The following ANKAR variants were observed in gnomAD, a reference collection of about 807,000 sequenced individuals.
ANKAR encodes ankyrin and armadillo repeat containing, also known as ankyrin and armadillo repeat-containing protein.
In ANKAR, 136 loss-of-function variants were observed where a neutral mutation model predicts 146.2. The observed-to-expected ratio is 0.93, with a 90% confidence interval of 0.81 to 1.07. ANKAR has a LOEUF of 1.07. ANKAR is among the 50% of genes least tolerant of loss of function. ANKAR has a pLI of 0.00. For synonymous variants in ANKAR, 500 were observed against 575.8 expected, an observed-to-expected ratio of 0.87 and a Z score of 1.88; for missense variants, 1,567 against 1,679.9, an observed-to-expected ratio of 0.93 and a Z score of 1.18.
rs190854393 is a variant in ANKAR at position 189,720,787 on chromosome 2, G to A, written c.2635G>A (p.Asp879Asn). 1.4e-6 allele frequency: 2 copies of A among 1,472,390 alleles called. No homozygotes were observed. Among genetic ancestry groups the A allele is most frequent in the Non-Finnish European group, 1.8e-6 (2 of 1,115,592 alleles). 91.2% of individuals were successfully genotyped at this position (1,472,390 alleles called of 1,614,324 possible). A position where few individuals can be genotyped will look rare whatever the true frequency, so the allele number is the denominator to read the frequency against. ...TATCAGATTTCTGAGTTCTGATTCA[G>A]GTGAGCTTCTATCTCTGTATTATTT... ...YLIRFLSSDS[D>N]VLKAVSSAAI... Residue 879 changes from aspartate (D) to asparagine (N), a missense_variant and splice_region_variant, in exon 12 of 23, where the codon GAT becomes AAT. Transcript: ENST00000684021.
At chr2:189,677,122 T>A (rs1351558151) in intron 2 of ANKAR, 31 bp downstream of exon 2, 2 of 1,443,216 alleles carry the variant, frequency 1.4e-6, no homozygotes, top group South Asian at 1.5e-5. Flanking sequence ...TTAAATTTTT[T>A]TTTTTTTTTT....
At chr2:189,748,745 T>C (rs1479197114), downstream of ANKAR, among the ~76,000 whole-genome samples, 1 of 152,164 alleles carries the variant, frequency 6.6e-6, no homozygotes, top group African/African-American at 2.4e-5. Context: ...TAAGTTTCTG[T>C]AGATATTTTT....
At chr2:189,746,146 A>G (rs2044128311) in intron 22 of ANKAR, among the ~76,000 whole-genome samples, 3 of 152,332 alleles carry the variant, frequency 2.0e-5, no homozygotes, top group Admixed American at 2.0e-4. Flanking sequence ...TTACATAATG[A>G]TATTTAAAGT....
intron 19 of ANKAR, among the ~76,000 whole-genome samples, chr2:189,740,689 G>A (rs2043242718): frequency 1.0e-5 from 1 of 99,280 alleles, no homozygotes; most frequent in South Asian, 4.0e-4. Flanking sequence ...CCGCAAAAAG[G>A]ACATATTAAT....
chr2:189,737,653 C>A, intron 17 of ANKAR, 30 bp from the exon 18 acceptor site: 1 of 1,560,378 alleles, frequency 6.4e-7, no homozygotes. Flanking sequence ...AAATGAAGTT[C>A]ACCATAATGC....
chr2:189,695,446 A>C, intron 6 of ANKAR, among the ~76,000 whole-genome samples: 1 of 152,358 alleles, frequency 6.6e-6, no homozygotes, highest in East Asian at 1.9e-4. Flanking sequence ...AACTCTTTTA[A>C]GGTACGACTA....
chr2:189,750,122 C>G (rs1046068185), downstream of ANKAR, among the ~76,000 whole-genome samples: 2 of 151,960 alleles, frequency 1.3e-5, no homozygotes, highest in African/African-American at 4.8e-5. Context: ...GGGAGATTAT[C>G]TCCAAAAAAT....
intron 12 of ANKAR, among the ~76,000 whole-genome samples, chr2:189,721,592 G>A (rs183089434): frequency 1.1e-3 from 164 of 152,240 alleles, no homozygotes; most frequent in African/African-American, 3.7e-3. Flanking sequence ...CCTAAAGTGC[G>A]TCTCAGTACC....
intron 7 of ANKAR, among the ~76,000 whole-genome samples, chr2:189,700,624 A>G (rs991787469): frequency 6.6e-6 from 1 of 152,140 alleles, no homozygotes; most frequent in Non-Finnish European, 1.5e-5. Flanking sequence ...GCGCTAGCAA[A>G]TACTAGGTCT....
chr2:189,686,335 G>A (rs1005343727), intron 2 of ANKAR, among the ~76,000 whole-genome samples: 3 of 152,154 alleles, frequency 2.0e-5, no homozygotes, highest in African/African-American at 7.2e-5. Context: ...ACTACAAGCA[G>A]TTTTCTCAAG....
At chr2:189,691,733 A>G (rs2036442991) in intron 3 of ANKAR, among the ~76,000 whole-genome samples, 1 of 149,888 alleles carries the variant, frequency 6.7e-6, no homozygotes, top group Non-Finnish European at 1.5e-5. Flanking sequence ...TATAATATAT[A>G]AACAGTAATT....
chr2:189,753,001 A>G lies in ANKAR; in HGVS notation c.*585-8097A>G, dbSNP rs763583136. On this transcript the variant is annotated intron_variant and NMD_transcript_variant, in intron 18 of 18. Transcript: ENST00000441800. Reference sequence around the variant, plus strand: ...CAACCTGAAGGAATTGAGAAAACCAAAATAACTATCATATATGGATATGAA... The same window carrying G: ...CAACCTGAAGGAATTGAGAAAACCAGAATAACTATCATATATGGATATGAA... 3 of 1,589,746 alleles carry G rather than the reference A, an allele frequency of 1.9e-6. No homozygotes were observed. The South Asian group carries it at 3.5e-5, about 18-fold the overall frequency.
At chr2:189,760,340 G>A (rs941359802) in intron 18 of ANKAR, among the ~76,000 whole-genome samples, 4 of 151,938 alleles carry the variant, frequency 2.6e-5, no homozygotes, top group African/African-American at 9.7e-5. Flanking sequence ...CGGCCAGGCG[G>A]AGGGGCCCCC....
intron 12 of ANKAR, among the ~76,000 whole-genome samples, chr2:189,724,575 C>T (rs116130462): frequency 1.8e-3 from 280 of 152,124 alleles, no homozygotes; most frequent in African/African-American, 6.3e-3. Context: ...TAGCACATAG[C>T]TATTCAATAA....
At chr2:189,750,430 G>A (rs769710566), downstream of ANKAR, 14 of 509,000 alleles carry the variant, frequency 2.8e-5, no homozygotes, top group Non-Finnish European at 3.7e-5. Context: ...TATCTCAGAA[G>A]AGCAGGTAAA....
chr2:189,710,319 G>A (rs975630672), intron 9 of ANKAR, among the ~76,000 whole-genome samples: 2 of 152,116 alleles, frequency 1.3e-5, no homozygotes, highest in African/African-American at 4.8e-5. Flanking sequence ...CTCGGGAAAT[G>A]TATAAAGCCT....
chr2:189,675,777 G>T (rs1381928017), intron 1 of ANKAR, among the ~76,000 whole-genome samples: 1 of 152,182 alleles, frequency 6.6e-6, no homozygotes, highest in East Asian at 1.9e-4. Flanking sequence ...AATGTTGGAG[G>T]TAGGGCTTGG....
downstream of ANKAR, among the ~76,000 whole-genome samples, chr2:189,748,565 C>A (rs1225075): frequency 0.98 from 149,536 of 152,362 alleles, 73,438 homozygotes; most frequent in East Asian, 1. Flanking sequence ...TTCATATTTA[C>A]TTCTAAATTA....
At chr2:189,732,498 A>T (rs2042498830) in intron 16 of ANKAR, among the ~76,000 whole-genome samples, 1 of 152,006 alleles carries the variant, frequency 6.6e-6, no homozygotes. Context: ...TGTCTCTGCT[A>T]AAGATACAAA....
Sources: allele counts gnomAD v4.1 joint callset (sites outside exome capture counted in the v4.1 genomes callset), GRCh38; gene constraint gnomAD v4.1.1; transcripts MANE v1.5; gene names NCBI Gene and HGNC (gene_info 2026-07-23, HGNC 2026-07-21).